MARCHF11: variants seen among roughly 807,000 people sequenced by gnomAD.
MARCHF11 encodes the protein E3 ubiquitin-protein ligase MARCHF11.
A neutral mutation model predicts 37.3 loss-of-function variants in MARCHF11; 29 were observed. The observed-to-expected ratio is 0.78, with a 90% CI of 0.58 to 1.06. The LOEUF is 1.06. Among genes scored for constraint, MARCHF11 ranks in the 50% least tolerant of loss-of-function variants. The pLI, the probability that MARCHF11 is intolerant of heterozygous loss-of-function variation, is 0.00. For synonymous variants in MARCHF11, 233 were observed against 228.0 expected, an observed-to-expected ratio of 1.02 and a Z score of -0.20; for missense variants, 482 against 533.4, an observed-to-expected ratio of 0.90 and a Z score of 0.95.
chr5:16,085,776 C>A (rs1736686449), intron 3 of MARCHF11, among the ~76,000 whole-genome samples: 1 of 151,626 alleles, frequency 6.6e-6, no homozygotes, highest in South Asian at 2.1e-4. Flanking sequence ...CACGGTGAAA[C>A]CCCGTCTCTA....
At chr5:16,087,413 T>C (rs1054015219) in intron 3 of MARCHF11, among the ~76,000 whole-genome samples, 5 of 152,254 alleles carry the variant, frequency 3.3e-5, no homozygotes, top group South Asian at 2.1e-4. Flanking sequence ...AACCCATTTA[T>C]AGAGACAAAG....
chr5:16,068,729 C>T lies in MARCHF11; in HGVS notation c.887-936G>A, dbSNP rs114588338. 9.5e-4 allele frequency among the ~76,000 whole-genome samples: 145 copies of T among 152,308 alleles called. 2 individuals are homozygous for T. The highest frequency in any genetic ancestry group is 3.4e-3 in the African/African-American group (142 of 41,574). On this transcript the variant is annotated intron_variant, in intron 3 of 3. Transcript: ENST00000332432. ...CACATTTACATTTCAGCGTGTTGTC[C>T]AAAGGCTTTTGAATTCGTGATCCCT...
chr5:16,164,215 A>G (rs748996336), intron 2 of MARCHF11, among the ~76,000 whole-genome samples: 1 of 152,108 alleles, frequency 6.6e-6, no homozygotes. Flanking sequence ...AAGATATAAC[A>G]CTTAATAAAC....
chr5:16,176,875 T>C (rs1234428149), intron 2 of MARCHF11, among the ~76,000 whole-genome samples: 1 of 152,178 alleles, frequency 6.6e-6, no homozygotes, highest in Non-Finnish European at 1.5e-5. Flanking sequence ...TTTGTCTCTG[T>C]TTTGAACCCT....
At chr5:16,076,836 C>T (rs1384005791) in intron 3 of MARCHF11, among the ~76,000 whole-genome samples, 1 of 152,202 alleles carries the variant, frequency 6.6e-6, no homozygotes, top group African/African-American at 2.4e-5. Context: ...CATCGGGAGC[C>T]ATCCTCGGCC....
At chr5:16,108,679 A>G (rs1737087234) in intron 2 of MARCHF11, among the ~76,000 whole-genome samples, 2 of 152,142 alleles carry the variant, frequency 1.3e-5, no homozygotes, top group South Asian at 4.1e-4. Flanking sequence ...CTGCAAAGCC[A>G]CACACCAGGA....
intron 2 of MARCHF11, among the ~76,000 whole-genome samples, chr5:16,121,271 G>A (rs945017516): frequency 6.6e-6 from 1 of 151,908 alleles, no homozygotes; most frequent in Non-Finnish European, 1.5e-5. Context: ...TTTTGCCTGA[G>A]GTTTGTCACC....
At position 16,125,619 on chromosome 5, in the gene MARCHF11, CTGTGTGTGTGTGTGTGTG is replaced by C. The variant is rs34769733; in HGVS notation, c.694-34556_694-34539del. On this transcript the variant is annotated intron_variant, in intron 2 of 3. Transcript: ENST00000332432. ...CAGCTGGTGCACCCTGGCACACTCT[CTGTGTGTGTGTGTGTGTG>C]TGTGTGTGTGTGTGTGTGTGTGTGT... Among the ~76,000 whole-genome samples the C allele has an allele frequency of 5.7e-3, 805 of 142,364 alleles. 9 individuals are homozygous for C. Among genetic ancestry groups the C allele is most frequent in the African/African-American group, 0.018 (710 of 38,764 alleles). 93.4% of individuals were successfully genotyped at this position (142,364 alleles called of 152,430 possible).
At chr5:16,085,974 A>AAAAAAAAAAAAAAC (rs1736692700) in intron 3 of MARCHF11, among the ~76,000 whole-genome samples, 1 of 144,288 alleles carries the variant, frequency 6.9e-6, no homozygotes, top group Non-Finnish European at 1.5e-5. Flanking sequence ...AAAAAAAAAA[A>AAAAAAAAAAAAAAC]AAATCTTATT....
chr5:16,138,124 A>G (rs1204115228), intron 2 of MARCHF11, among the ~76,000 whole-genome samples: 3 of 152,170 alleles, frequency 2.0e-5, no homozygotes, highest in African/African-American at 7.2e-5. Context: ...CGCCAAGACA[A>G]TGGGGAAAAT....
chr5:16,135,347 G>A (rs1301203898), intron 2 of MARCHF11, among the ~76,000 whole-genome samples: 2 of 152,026 alleles, frequency 1.3e-5, no homozygotes, highest in African/African-American at 4.8e-5. Context: ...GCCAAAACTG[G>A]ACATGAATTG....
intron 2 of MARCHF11, chr5:16,141,715 C>A (rs915032417): frequency 6.6e-6 from 1 of 152,198 alleles, no homozygotes; most frequent in East Asian, 1.9e-4. Context: ...CCAATAAAAT[C>A]TACTTTCCAT....
chr5:16,073,931 C>A (rs1177852651), intron 3 of MARCHF11, among the ~76,000 whole-genome samples: 7 of 152,180 alleles, frequency 4.6e-5, no homozygotes, highest in Non-Finnish European at 1.0e-4. Context: ...TTCTACCCAA[C>A]AACTGCAGAA....
chr5:16,170,165 G>A (rs1272869344), intron 2 of MARCHF11, among the ~76,000 whole-genome samples: 3 of 152,010 alleles, frequency 2.0e-5, no homozygotes, highest in Admixed American at 6.6e-5. Flanking sequence ...TCCAGTAGAC[G>A]CTCTTAGCAG....
At chr5:16,127,934 C>T (rs1283607966) in intron 2 of MARCHF11, among the ~76,000 whole-genome samples, 1 of 152,062 alleles carries the variant, frequency 6.6e-6, no homozygotes, top group Non-Finnish European at 1.5e-5. Context: ...CTTGCTTTTT[C>T]CCTTTCTGGC....
chr5:16,074,151 T>A (rs74489846), intron 3 of MARCHF11, among the ~76,000 whole-genome samples: 4,132 of 152,314 alleles, frequency 0.027, 173 homozygotes, highest in African/African-American at 0.094. Context: ...TCCTGAGCGA[T>A]CATTGAGTCA....
At chr5:16,085,481 G>C (rs115817648) in intron 3 of MARCHF11, among the ~76,000 whole-genome samples, 2,299 of 149,522 alleles carry the variant, frequency 0.015, 44 homozygotes, top group African/African-American at 0.053. Context: ...AAAACTACTC[G>C]AATGGTTAAG....
intron 2 of MARCHF11, among the ~76,000 whole-genome samples, chr5:16,155,724 G>T (rs1462091923): frequency 1.3e-5 from 2 of 151,858 alleles, no homozygotes; most frequent in Non-Finnish European, 2.9e-5. Flanking sequence ...CGATTTTTGG[G>T]AATCAAGTCA....
At chr5:16,070,661 T>C (rs969843345) in intron 3 of MARCHF11, among the ~76,000 whole-genome samples, 4 of 152,214 alleles carry the variant, frequency 2.6e-5, no homozygotes, top group African/African-American at 7.2e-5. Flanking sequence ...TCTAAATACA[T>C]AAATCTAACC....
Sources: allele counts gnomAD v4.1 joint callset (sites outside exome capture counted in the v4.1 genomes callset), GRCh38; gene constraint gnomAD v4.1.1; transcripts MANE v1.5; gene names NCBI Gene and HGNC (gene_info 2026-07-23, HGNC 2026-07-21).